ZDHHC14: variants seen among roughly 807,000 people sequenced by gnomAD.
ZDHHC14 encodes zDHHC palmitoyltransferase 14.
A neutral mutation model predicts 47.7 loss-of-function variants in ZDHHC14; 16 were observed. The observed-to-expected ratio is 0.34, with a 90% CI of 0.23 to 0.51. The LOEUF (loss-of-function observed/expected upper bound fraction) is 0.51, where lower values mean the gene tolerates loss of function less well. Among genes scored for constraint, ZDHHC14 ranks in the 20% least tolerant of loss-of-function variants. The pLI is 0.97. For missense variants in ZDHHC14, 515 were observed against 662.5 expected (o/e 0.78, Z 2.44); for synonymous variants, 293 against 278.9 (o/e 1.05, Z -0.50).
intron 1 of ZDHHC14, among the ~76,000 whole-genome samples, chr6:157,385,208 T>A (rs1447958964): frequency 6.6e-6 from 1 of 152,092 alleles, no homozygotes; most frequent in Non-Finnish European, 1.5e-5. Context: ...CCCTTCTCAG[T>A]CTCCTTAGTA....
intron 1 of ZDHHC14, 92 bp downstream of exon 1, chr6:157,382,358 C>G: frequency 7.0e-7 from 1 of 1,436,082 alleles, no homozygotes; most frequent in Non-Finnish European, 9.5e-7. Context: ...TTCTAGAAGT[C>G]TTATCTACTG....
chr6:157,522,896 C>CCTTCCTTT (rs1454670328), intron 1 of ZDHHC14, among the ~76,000 whole-genome samples: 7 of 36,922 alleles, frequency 1.9e-4, no homozygotes, highest in African/African-American at 1.5e-3. Flanking sequence ...TACCATCCTT[C>CCTTCCTTT]CTTCCTTCCT....
intron 5 of ZDHHC14, 130 bp downstream of exon 5, chr6:157,633,012 C>G: frequency 1.1e-6 from 1 of 940,198 alleles, no homozygotes; most frequent in Non-Finnish European, 1.7e-6. Context: ...AGAACTCCCT[C>G]AGATTCACTG....
intron 1 of ZDHHC14, among the ~76,000 whole-genome samples, chr6:157,466,629 G>A (rs1469723897): frequency 6.6e-6 from 1 of 152,190 alleles, no homozygotes; most frequent in Non-Finnish European, 1.5e-5. Flanking sequence ...CCTGAGGCCA[G>A]GAGTTCGACA....
At chr6:157,498,635 G>A (rs1243766526) in intron 1 of ZDHHC14, among the ~76,000 whole-genome samples, 1 of 152,194 alleles carries the variant, frequency 6.6e-6, no homozygotes, top group Non-Finnish European at 1.5e-5. Flanking sequence ...GATCTCTTCA[G>A]TATCTTTGTA....
chr6:157,384,830 T>C (rs145974210), intron 1 of ZDHHC14, among the ~76,000 whole-genome samples: 1,782 of 152,364 alleles, frequency 0.012, 15 homozygotes, highest in Non-Finnish European at 0.016. Context: ...CTAAGCGAGA[T>C]CCAGAGGAAA....
At chr6:157,441,567 G>A (rs930948852) in intron 1 of ZDHHC14, among the ~76,000 whole-genome samples, 3 of 152,162 alleles carry the variant, frequency 2.0e-5, no homozygotes, top group Non-Finnish European at 4.4e-5. Flanking sequence ...GGCCAGGCAC[G>A]GTGGCTCACA....
At chr6:157,492,500 G>A (rs1413685615) in intron 1 of ZDHHC14, among the ~76,000 whole-genome samples, 1 of 152,248 alleles carries the variant, frequency 6.6e-6, no homozygotes, top group African/African-American at 2.4e-5. Flanking sequence ...TTCCAGAATT[G>A]GGGAATGATT....
chr6:157,642,841 T>C (rs1456552033), intron 5 of ZDHHC14, among the ~76,000 whole-genome samples: 1 of 152,240 alleles, frequency 6.6e-6, no homozygotes, highest in Non-Finnish European at 1.5e-5. Flanking sequence ...TCTGTATATC[T>C]GTATCTGAGT....
intron 1 of ZDHHC14, among the ~76,000 whole-genome samples, chr6:157,520,673 A>G (rs2114765302): frequency 6.6e-6 from 1 of 152,380 alleles, no homozygotes; most frequent in East Asian, 1.9e-4. Flanking sequence ...CCATTTCTAT[A>G]GAATGTCTTT....
chr6:157,428,584 C>T (rs1485303660), intron 1 of ZDHHC14, among the ~76,000 whole-genome samples: 1 of 152,142 alleles, frequency 6.6e-6, no homozygotes, highest in African/African-American at 2.4e-5. Flanking sequence ...TGTGGAAGGG[C>T]ACCCGAGAGA....
chr6:157,622,047 C>T (rs929773378), intron 3 of ZDHHC14, among the ~76,000 whole-genome samples: 8 of 152,032 alleles, frequency 5.3e-5, no homozygotes, highest in African/African-American at 1.9e-4. Flanking sequence ...AGCAGATACT[C>T]AGTAACTGGT....
At chr6:157,482,932 G>A (rs1779670123) in intron 1 of ZDHHC14, among the ~76,000 whole-genome samples, 1 of 151,854 alleles carries the variant, frequency 6.6e-6, no homozygotes, top group Admixed American at 6.6e-5. Flanking sequence ...TGGTAGAGAT[G>A]GGGATTTCAC....
chr6:157,668,522 TAAAAAA>T (rs34696696), intron 8 of ZDHHC14, among the ~76,000 whole-genome samples: 4 of 123,930 alleles, frequency 3.2e-5, no homozygotes, highest in Non-Finnish European at 5.2e-5. Context: ...CCATCTCCAC[TAAAAAA>T]AAAAAAAAAA....
chr6:157,393,757 G>A (rs754997877), intron 1 of ZDHHC14, among the ~76,000 whole-genome samples: 6 of 152,136 alleles, frequency 3.9e-5, no homozygotes, highest in African/African-American at 1.4e-4. Context: ...CTTCTAGGAT[G>A]TTCCTCTCCC....
At chr6:157,525,011 G>A (rs1781107295) in intron 1 of ZDHHC14, among the ~76,000 whole-genome samples, 1 of 152,180 alleles carries the variant, frequency 6.6e-6, no homozygotes, top group African/African-American at 2.4e-5. Context: ...TCTCCCACAG[G>A]GCTGCAATCA....
At chr6:157,643,287 G>C (rs1777344902) in intron 5 of ZDHHC14, among the ~76,000 whole-genome samples, 1 of 152,176 alleles carries the variant, frequency 6.6e-6, no homozygotes, top group Non-Finnish European at 1.5e-5. Flanking sequence ...TTGGATTCAT[G>C]TCATTTTGAC....
At chr6:157,602,594 A>G (rs1346278336) in intron 3 of ZDHHC14, among the ~76,000 whole-genome samples, 3 of 151,950 alleles carry the variant, frequency 2.0e-5, no homozygotes, top group Non-Finnish European at 2.9e-5. Context: ...TGCCAAGGCT[A>G]AATAGGAGTT....
intron 2 of ZDHHC14, among the ~76,000 whole-genome samples, chr6:157,555,558 C>T (rs1181796889): frequency 6.6e-6 from 1 of 152,216 alleles, no homozygotes; most frequent in African/African-American, 2.4e-5. Context: ...GTTAATCCAT[C>T]TTAGGCATGG....
Sources: gnomAD v4.1 joint callset for allele counts (sites outside exome capture counted in the v4.1 genomes callset) on GRCh38, gnomAD v4.1.1 for gene constraint, MANE v1.5 for transcripts, NCBI Gene and HGNC (gene_info 2026-07-23, HGNC 2026-07-21) for gene names.